Variants in HSD11B1 observed in about 807,000 individuals in gnomAD.
HSD11B1 encodes 11-beta-hydroxysteroid dehydrogenase 1.
HSD11B1 carries 15 observed loss-of-function variants against 22.1 expected under a neutral mutation model. The ratio of observed to expected loss-of-function variants is 0.68; its 90% CI spans 0.45 to 1.04. HSD11B1 has a LOEUF of 1.04. Ranked by LOEUF, HSD11B1 falls within the 50% of genes least tolerant of loss-of-function variation. HSD11B1 has a pLI of 0.00. For synonymous variants in HSD11B1, 122 were observed against 125.2 expected (o/e 0.97, Z 0.17); for missense variants, 281 against 357.6 (o/e 0.79, Z 1.73).
At chr1:209,716,064 A>C (rs1482362763) in intron 4 of HSD11B1, among the ~76,000 whole-genome samples, 1 of 152,244 alleles carries the variant, frequency 6.6e-6, no homozygotes, top group Non-Finnish European at 1.5e-5. Context: ...TATTCAACAC[A>C]GTACGAGAAG....
At chr1:209,688,172 G>A (rs1220039227) in intron 1 of HSD11B1, among the ~76,000 whole-genome samples, 1 of 152,078 alleles carries the variant, frequency 6.6e-6, no homozygotes, top group Non-Finnish European at 1.5e-5. Flanking sequence ...TAGCCATTCA[G>A]GCTACCTGAG....
chr1:209,707,988 T>A (rs1397375288), intron 4 of HSD11B1, among the ~76,000 whole-genome samples: 3 of 151,462 alleles, frequency 2.0e-5, no homozygotes, highest in Admixed American at 2.0e-4. Context: ...TTTGAACATG[T>A]TAACATGAAA....
intron 5 of HSD11B1, 44 bp from the exon 6 acceptor site, chr1:209,734,260 C>T (rs2077053413): frequency 2.0e-6 from 3 of 1,490,204 alleles, no homozygotes; most frequent in Non-Finnish European, 9.3e-7. Context: ...ATCATGTAGA[C>T]TGTCCTAGTC....
intron 1 of HSD11B1, among the ~76,000 whole-genome samples, chr1:209,689,228 C>T (rs1414510336): frequency 6.6e-6 from 1 of 152,140 alleles, no homozygotes; most frequent in Non-Finnish European, 1.5e-5. Context: ...AGCTCTACCC[C>T]TCTCCACCCA....
rs915883083 is a variant in HSD11B1 at position 209,695,813 on chromosome 1, TA to T, written c.-48-9074del. Among the ~76,000 whole-genome samples, 3 of 151,668 alleles carry T rather than the reference TA, an allele frequency of 2.0e-5. No homozygotes were observed. In the East Asian group the frequency reaches 5.8e-4, roughly 29 times the overall value. The stretch of plus-strand genomic sequence containing the variant: ...AGAGTGAGACTCCGTCTCAAAAAAA[TA>T]AAAAAAAGTTAAACATAAATTTACC... On this transcript the variant is annotated intron_variant, in intron 1 of 6. Transcript: ENST00000261465.
chr1:209,716,556 A>G (rs375993046), intron 4 of HSD11B1, among the ~76,000 whole-genome samples: 3 of 152,020 alleles, frequency 2.0e-5, no homozygotes, highest in South Asian at 4.1e-4. Flanking sequence ...GACATTTTTC[A>G]TAGAAATAGA....
At chr1:209,698,175 A>G (rs1479781965) in intron 1 of HSD11B1, among the ~76,000 whole-genome samples, 1 of 87,256 alleles carries the variant, frequency 1.1e-5, no homozygotes, top group Non-Finnish European at 2.7e-5. Flanking sequence ...GATTAGATAG[A>G]TAGATAGATA....
intron 4 of HSD11B1, among the ~76,000 whole-genome samples, chr1:209,721,108 A>G (rs1373812605): frequency 1.3e-5 from 2 of 151,912 alleles, no homozygotes; most frequent in Non-Finnish European, 2.9e-5. Flanking sequence ...GCAAGGAAGC[A>G]CTCTCCCTCA....
intron 4 of HSD11B1, among the ~76,000 whole-genome samples, chr1:209,707,968 T>C (rs2076871260): frequency 6.6e-6 from 1 of 150,938 alleles, no homozygotes; most frequent in Admixed American, 6.6e-5. Context: ...AGTGGGTGTA[T>C]TCTCTAAAAT....
upstream of HSD11B1, among the ~76,000 whole-genome samples, chr1:209,703,781 T>C (rs186989836): frequency 2.5e-3 from 378 of 152,348 alleles, no homozygotes; most frequent in African/African-American, 8.2e-3. Flanking sequence ...CCCGCTCTAC[T>C]GATAACTTAC....
chr1:209,689,898 C>A (rs2076749263), intron 1 of HSD11B1, among the ~76,000 whole-genome samples: 1 of 152,122 alleles, frequency 6.6e-6, no homozygotes, highest in Non-Finnish European at 1.5e-5. Flanking sequence ...CTGGAGACCT[C>A]AAGAGAGGAA....
upstream of HSD11B1, among the ~76,000 whole-genome samples, chr1:209,704,319 CT>C (rs2076842913): frequency 1.3e-5 from 2 of 152,264 alleles, no homozygotes; most frequent in African/African-American, 2.4e-5. Flanking sequence ...TGTTGTAATA[CT>C]TTTTCATTGA....
intron 4 of HSD11B1, among the ~76,000 whole-genome samples, chr1:209,721,125 T>C (rs978489935): frequency 4.6e-5 from 7 of 152,226 alleles, no homozygotes; most frequent in South Asian, 4.1e-4. Context: ...CTCAGAGTCT[T>C]TGGGGGGAAT....
chr1:209,698,738 A>C (rs186877940), intron 1 of HSD11B1, among the ~76,000 whole-genome samples: 11 of 152,368 alleles, frequency 7.2e-5, no homozygotes, highest in Admixed American at 3.9e-4. Context: ...TCATGCCCTT[A>C]AAACATAAAA....
At chr1:209,699,107 A>C (rs1180266327) in intron 1 of HSD11B1, among the ~76,000 whole-genome samples, 2 of 152,158 alleles carry the variant, frequency 1.3e-5, no homozygotes, top group African/African-American at 4.8e-5. Flanking sequence ...GGAGGAGAAC[A>C]GGAGGAAGGG....
chr1:209,699,079 G>A (rs529417438), intron 1 of HSD11B1, among the ~76,000 whole-genome samples: 126 of 152,256 alleles, frequency 8.3e-4, no homozygotes, highest in African/African-American at 3.0e-3. Context: ...TTCTCCCCTC[G>A]TTAGACACAC....
intron 4 of HSD11B1, among the ~76,000 whole-genome samples, chr1:209,711,442 C>T (rs2076894361): frequency 6.6e-6 from 1 of 152,096 alleles, no homozygotes; most frequent in Non-Finnish European, 1.5e-5. Flanking sequence ...GAAAAAATGC[C>T]GCTTTACCCT....
At chr1:209,714,325 G>A (rs2102381200) in intron 4 of HSD11B1, among the ~76,000 whole-genome samples, 1 of 152,338 alleles carries the variant, frequency 6.6e-6, no homozygotes, top group South Asian at 2.1e-4. Flanking sequence ...ATAGTAGTAT[G>A]TTTTACAACT....
chr1:209,686,313 A>T (rs2076728238), intron 1 of HSD11B1: 1 of 152,240 alleles, frequency 6.6e-6, no homozygotes, highest in African/African-American at 2.4e-5. Context: ...CACATTATAT[A>T]TAATAGTATC....
Sources: allele counts gnomAD v4.1 joint callset (sites outside exome capture counted in the v4.1 genomes callset), GRCh38; gene constraint gnomAD v4.1.1; transcripts MANE v1.5; gene names NCBI Gene and HGNC (gene_info 2026-07-23, HGNC 2026-07-21).